Variants in SLC60A2 observed in about 807,000 individuals in gnomAD.
SLC60A2 encodes major facilitator superfamily domain containing 4B.
At chr6:111,266,888 AGAG>A in the SLC60A2 span, 2 of 1,614,054 alleles carry the variant, frequency 1.2e-6, no homozygotes, top group South Asian at 1.1e-5. Flanking sequence ...AAGAGAATGA[AGAG>A]GAGGATGCAG....
the SLC60A2 span, chr6:111,265,832 G>T: frequency 6.6e-7 from 1 of 1,506,606 alleles, no homozygotes; most frequent in South Asian, 1.3e-5. Context: ...TAATAAGTAA[G>T]TAACTGTTTA....
chr6:111,262,177 T>G, the SLC60A2 span: 171 of 1,188,778 alleles, frequency 1.4e-4, no homozygotes, highest in Non-Finnish European at 9.5e-6. Flanking sequence ...CCCTTTTTTT[T>G]TATAGTGGAA....
At chr6:111,272,823 GTATA>G in the SLC60A2 span, among the ~76,000 whole-genome samples, 35 of 151,512 alleles carry the variant, frequency 2.3e-4, no homozygotes, top group African/African-American at 8.2e-4. Flanking sequence ...CTATCTAACT[GTATA>G]TATATATGTG....
the SLC60A2 span, among the ~76,000 whole-genome samples, chr6:111,261,390 C>T: frequency 5.9e-5 from 9 of 152,152 alleles, no homozygotes; most frequent in African/African-American, 2.2e-4. Context: ...AGGGCTTAAG[C>T]GATCCTTCCA....
chr6:111,266,230 G>T, the SLC60A2 span: 4 of 1,614,068 alleles, frequency 2.5e-6, no homozygotes, highest in Non-Finnish European at 3.4e-6. Flanking sequence ...ACATTTCGAA[G>T]AGCAAAATAT....
the SLC60A2 span, among the ~76,000 whole-genome samples, chr6:111,264,344 A>G: frequency 2.6e-5 from 4 of 152,318 alleles, no homozygotes; most frequent in East Asian, 5.8e-4. Context: ...CTGAGAAAGC[A>G]TAGAAGCAGC....
the SLC60A2 span, among the ~76,000 whole-genome samples, chr6:111,272,835 G>A: frequency 6.6e-6 from 1 of 151,608 alleles, no homozygotes; most frequent in African/African-American, 2.4e-5. Flanking sequence ...ATATATATAT[G>A]TGTATATTTT....
At chr6:111,277,039 A>G in the SLC60A2 span, among the ~76,000 whole-genome samples, 1 of 152,176 alleles carries the variant, frequency 6.6e-6, no homozygotes, top group African/African-American at 2.4e-5. Flanking sequence ...TTAGCCTATG[A>G]AGGGGTTCCC....
At chr6:111,272,512 T>A in the SLC60A2 span, among the ~76,000 whole-genome samples, 3 of 146,070 alleles carry the variant, frequency 2.1e-5, no homozygotes, top group African/African-American at 7.5e-5. Flanking sequence ...TAACTGTATT[T>A]TTTTTTTTTT....
chr6:111,278,880 G>A, the SLC60A2 span: 1 of 152,216 alleles, frequency 6.6e-6, no homozygotes, highest in Non-Finnish European at 1.5e-5. Flanking sequence ...GCTCCAGAAG[G>A]AAAGAGGACC....
At chr6:111,263,947 GT>G in the SLC60A2 span, 1 of 1,464,234 alleles carries the variant, frequency 6.8e-7, no homozygotes, top group South Asian at 1.1e-5. Flanking sequence ...CTGGATACAG[GT>G]TAGTGAGCTC....
At chr6:111,266,420 C>CT in the SLC60A2 span, 1 of 1,614,166 alleles carries the variant, frequency 6.2e-7, no homozygotes, top group African/African-American at 1.3e-5. Flanking sequence ...GCCTGGCAAT[C>CT]TTTTTTGCTA....
At chr6:111,266,854 G>A in the SLC60A2 span, 1 of 1,613,812 alleles carries the variant, frequency 6.2e-7, no homozygotes, top group African/African-American at 1.3e-5. Flanking sequence ...CTGCTCTCTA[G>A]CTCCGGGCTA....
chr6:111,262,065 T>G, the SLC60A2 span, among the ~76,000 whole-genome samples: 1 of 151,566 alleles, frequency 6.6e-6, no homozygotes, highest in Non-Finnish European at 1.5e-5. Flanking sequence ...TTTTAAAAAC[T>G]GAGAGGTGTC....
the SLC60A2 span, chr6:111,266,510 C>T: frequency 1.2e-6 from 2 of 1,614,178 alleles, no homozygotes; most frequent in South Asian, 1.1e-5. Flanking sequence ...TGCTTTTTGA[C>T]AAGAACCCAA....
chr6:111,267,889 A>G, the SLC60A2 span: 1 of 152,244 alleles, frequency 6.6e-6, no homozygotes, highest in African/African-American at 2.4e-5. Flanking sequence ...CAAAGAATGT[A>G]ATGACTCATT....
chr6:111,275,995 T>TCAGAGTACTTCATACAC, the SLC60A2 span, among the ~76,000 whole-genome samples: 8 of 152,226 alleles, frequency 5.3e-5, no homozygotes, highest in Admixed American at 6.5e-5. Flanking sequence ...ATTTGACTGC[T>TCAGAGTACTTCATACAC]CAGAGTACTT....
the SLC60A2 span, among the ~76,000 whole-genome samples, chr6:111,274,437 G>C: frequency 1.3e-5 from 2 of 151,932 alleles, no homozygotes; most frequent in Admixed American, 1.3e-4. Context: ...TGGGTAATGG[G>C]GTTTTTTGTT....
chr6:111,268,895 C>T, the SLC60A2 span: 2 of 152,150 alleles, frequency 1.3e-5, no homozygotes, highest in African/African-American at 4.8e-5. Flanking sequence ...ATATATGTGG[C>T]AGAATTGGTG....
Sources: gnomAD v4.1 joint callset for allele counts (sites outside exome capture counted in the v4.1 genomes callset) on GRCh38, gnomAD v4.1.1 for gene constraint, MANE v1.5 for transcripts, NCBI Gene and HGNC (gene_info 2026-07-23, HGNC 2026-07-21) for gene names.